The following THRB variants were observed in gnomAD, a reference collection of about 807,000 sequenced individuals.
THRB encodes the protein nuclear receptor subfamily 1 group A member 2.
In THRB, 12 loss-of-function variants were observed where a neutral mutation model predicts 47.8. That is an observed-to-expected ratio of 0.25 (90% CI 0.16 to 0.41). The LOEUF is 0.41. THRB is among the 10% of genes least tolerant of loss of function. The pLI, the probability that THRB is intolerant of heterozygous loss-of-function variation, is 1.00. For synonymous variants in THRB, 218 were observed against 212.2 expected, an observed-to-expected ratio of 1.03 and a Z score of -0.24; for missense variants, 348 against 589.2, an observed-to-expected ratio of 0.59 and a Z score of 4.24.
chr3:24,432,163 G>C (rs376225918), intron 1 of THRB, among the ~76,000 whole-genome samples: 4 of 151,948 alleles, frequency 2.6e-5, no homozygotes, highest in African/African-American at 9.7e-5. Context: ...CTACATATAC[G>C]TTATAAGATG....
At chr3:24,330,617 G>A (rs1156451852) in intron 2 of THRB, among the ~76,000 whole-genome samples, 1 of 152,038 alleles carries the variant, frequency 6.6e-6, no homozygotes, top group Non-Finnish European at 1.5e-5. Flanking sequence ...CTTTTACTAC[G>A]TAAGTGTGTA....
At chr3:24,305,288 G>T (rs2057256017) in intron 2 of THRB, among the ~76,000 whole-genome samples, 1 of 152,146 alleles carries the variant, frequency 6.6e-6, no homozygotes, top group Admixed American at 6.5e-5. Flanking sequence ...GGGCATCCAG[G>T]ACTCTAAGAT....
chr3:24,209,728 G>T (rs913253307), intron 4 of THRB, among the ~76,000 whole-genome samples: 1 of 152,126 alleles, frequency 6.6e-6, no homozygotes, highest in Non-Finnish European at 1.5e-5. Context: ...TAATGTAAAT[G>T]ACGTGTTAAT....
chr3:24,469,628 G>A (rs2074407312), intron 1 of THRB, among the ~76,000 whole-genome samples: 1 of 152,148 alleles, frequency 6.6e-6, no homozygotes, highest in Non-Finnish European at 1.5e-5. Context: ...ACACAATGGT[G>A]TTAGATACAT....
rs559325556 is a variant in THRB, at chr3:24,118,973, G to GTT, written c.*3909_*3910dup. 5.1e-3 allele frequency: 251 copies of GTT among 49,512 alleles called. 4 individuals carry two copies. Among genetic ancestry groups the GTT allele is most frequent in the Non-Finnish European group, 6.5e-3 (161 of 24,670 alleles). The allele number at this position is 49,512 out of a possible 1,614,324, so 3.1% of individuals were successfully genotyped here. Reference sequence around the variant, plus strand: ...GCCAAACCTTTTTTCCCCCAGTCTGGTTTTTTTTTTTTTTTTTTTTTTTTT... The same window carrying GTT: ...GCCAAACCTTTTTTCCCCCAGTCTGGTTTTTTTTTTTTTTTTTTTTTTTTTTT... On this transcript the variant is annotated 3_prime_UTR_variant, in exon 11 of 11. Transcript: ENST00000646209.
chr3:24,152,797 C>T (rs2037179488), intron 5 of THRB, among the ~76,000 whole-genome samples: 1 of 151,788 alleles, frequency 6.6e-6, no homozygotes, highest in Admixed American at 6.6e-5. Flanking sequence ...CCTCTCTCTA[C>T]TAAAAATACA....
intron 4 of THRB, among the ~76,000 whole-genome samples, chr3:24,227,604 G>C (rs939162267): frequency 6.6e-6 from 1 of 152,172 alleles, no homozygotes; most frequent in East Asian, 1.9e-4. Context: ...AGAGAGGCTG[G>C]GCAAAGATGC....
At chr3:24,140,114 G>A (rs565444315) in intron 8 of THRB, among the ~76,000 whole-genome samples, 1 of 152,306 alleles carries the variant, frequency 6.6e-6, no homozygotes, top group Non-Finnish European at 1.5e-5. Flanking sequence ...ACTCAAAAGA[G>A]TGAAATTTTC....
At chr3:24,184,204 C>CCA (rs2042277063) in intron 5 of THRB, among the ~76,000 whole-genome samples, 1 of 152,172 alleles carries the variant, frequency 6.6e-6, no homozygotes, top group South Asian at 2.1e-4. Flanking sequence ...TTTGGATGTA[C>CCA]CACAATTTAT....
At chr3:24,313,004 A>G (rs1191154600) in intron 2 of THRB, among the ~76,000 whole-genome samples, 1 of 152,220 alleles carries the variant, frequency 6.6e-6, no homozygotes, top group African/African-American at 2.4e-5. Flanking sequence ...CAGACTCAGG[A>G]TCTATTTTGG....
intron 1 of THRB, among the ~76,000 whole-genome samples, chr3:24,469,953 T>G (rs2074436842): frequency 6.6e-6 from 1 of 152,202 alleles, no homozygotes; most frequent in African/African-American, 2.4e-5. Context: ...TTCCATAGTG[T>G]AGAATTTTAA....
chr3:24,301,775 AG>A (rs1205717487), intron 2 of THRB, among the ~76,000 whole-genome samples: 1 of 152,240 alleles, frequency 6.6e-6, no homozygotes, highest in Non-Finnish European at 1.5e-5. Context: ...GATGTGATTA[AG>A]GGTACAGATT....
At chr3:24,255,450 A>G (rs1267315707) in intron 3 of THRB, among the ~76,000 whole-genome samples, 2 of 152,198 alleles carry the variant, frequency 1.3e-5, no homozygotes, top group Non-Finnish European at 2.9e-5. Context: ...TATATTAATG[A>G]AGTTAATTAT....
At chr3:24,394,495 A>G (rs2066806058) in intron 1 of THRB, among the ~76,000 whole-genome samples, 1 of 152,068 alleles carries the variant, frequency 6.6e-6, no homozygotes, top group South Asian at 2.1e-4. Context: ...AGCACAGAAC[A>G]TTGGGTATGG....
intron 2 of THRB, among the ~76,000 whole-genome samples, chr3:24,335,101 T>C (rs2062160942): frequency 6.6e-6 from 1 of 152,154 alleles, no homozygotes; most frequent in Non-Finnish European, 1.5e-5. Flanking sequence ...CACAGACTTT[T>C]AAGGGGCTTC....
Position 24,190,221 on chromosome 3 carries a change from G to A in THRB, c.136C>T (p.Arg46Cys), listed in dbSNP as rs754933969. The A allele has an allele frequency of 1.3e-5, 21 of 1,614,062 alleles. No homozygotes were observed. The highest frequency in any genetic ancestry group is 6.6e-5 in the South Asian group (6 of 91,072). The change falls in exon 5 of 11, where the codon CGC (arginine) becomes TGC (cysteine). Residue 46 changes from arginine (R) to cysteine (C), a missense_variant. Physicochemically the swap from Arg to Cys is radical, Grantham distance 180. This residue lies in a region of THRB where 148 missense variants were observed against 122.3 expected (regional missense o/e 1.21). Coordinates refer to ENST00000646209, the MANE Select transcript of THRB (RefSeq NM_001354712.2). ...CLHRKSHSER[R>C]STLKNEQSSP... is the part of the protein sequence containing the mutation. The stretch of plus-strand genomic sequence containing the variant: ...GACTGTTCATTTTTCAACGTGCTGC[G>A]CCTCTCTGAATGGCTCTTCCTATGT...
At chr3:24,195,590 G>A (rs1480807940) in intron 4 of THRB, among the ~76,000 whole-genome samples, 1 of 152,160 alleles carries the variant, frequency 6.6e-6, no homozygotes. Flanking sequence ...TATTTCTCTG[G>A]TTCTTAAAAT....
chr3:24,168,877 C>A (rs2149328055), intron 5 of THRB, among the ~76,000 whole-genome samples: 1 of 151,906 alleles, frequency 6.6e-6, no homozygotes, highest in South Asian at 2.1e-4. Context: ...GGCATGGGGA[C>A]ACAGGAGTAA....
intron 4 of THRB, among the ~76,000 whole-genome samples, chr3:24,198,016 T>C (rs1298522837): frequency 2.0e-5 from 3 of 152,212 alleles, no homozygotes; most frequent in Non-Finnish European, 4.4e-5. Context: ...ACATCTGGGA[T>C]GGGGTGAGCT....
Sources: gnomAD v4.1 joint callset for allele counts (sites outside exome capture counted in the v4.1 genomes callset) on GRCh38, gnomAD v4.1.1 for gene constraint, gnomAD v4.1.1 regional missense constraint, MANE v1.5 for transcripts, NCBI Gene and HGNC (gene_info 2026-07-23, HGNC 2026-07-21) for gene names.